The following CAMK2A variants were observed in gnomAD, a reference collection of about 807,000 sequenced individuals.
CAMK2A encodes the protein calcium/calmodulin dependent protein kinase II alpha.
In CAMK2A, 7 loss-of-function variants were observed where a neutral mutation model predicts 79.2. The observed-to-expected ratio is 0.09, with a 90% CI of 0.05 to 0.17. The LOEUF is 0.17. CAMK2A is among the 10% of genes least tolerant of loss of function. The pLI is 1.00. For missense variants in CAMK2A, 214 were observed against 646.4 expected (o/e 0.33, Z 7.25); for synonymous variants, 242 against 251.7 (o/e 0.96, Z 0.36).
At chr5:150,264,934 C>A in intron 3 of CAMK2A, 22 bp downstream of exon 3, 1 of 1,609,548 alleles carries the variant, frequency 6.2e-7, no homozygotes, top group Non-Finnish European at 8.5e-7. Flanking sequence ...CCCCTGCGCC[C>A]CTCTCATCCC....
At chr5:150,264,355 C>T (rs1756417541) in intron 3 of CAMK2A, among the ~76,000 whole-genome samples, 2 of 152,232 alleles carry the variant, frequency 1.3e-5, no homozygotes, top group South Asian at 4.1e-4. Context: ...CATGACTCAG[C>T]ACCCTCATAG....
intron 2 of CAMK2A, among the ~76,000 whole-genome samples, chr5:150,266,060 A>G (rs913371626): frequency 1.3e-5 from 2 of 152,016 alleles, no homozygotes; most frequent in Non-Finnish European, 2.9e-5. Context: ...CCCAGAAGCC[A>G]CCTCCCTTTC....
intron 12 of CAMK2A, 144 bp from the exon 13 acceptor site, chr5:150,245,345 C>T: frequency 1.8e-6 from 1 of 561,528 alleles, no homozygotes; most frequent in Non-Finnish European, 2.9e-6. Flanking sequence ...GAGGCCTCCT[C>T]CTCCTCCTCC....
At chr5:150,248,352 ATACTTTAAG>A (rs1755667486) in intron 11 of CAMK2A, among the ~76,000 whole-genome samples, 1 of 148,812 alleles carries the variant, frequency 6.7e-6, no homozygotes, top group South Asian at 2.1e-4. Flanking sequence ...ATATTATATA[ATACTTTAAG>A]TTCTAGGGTA....
chr5:150,226,144 C>A (rs73281747), intron 17 of CAMK2A, among the ~76,000 whole-genome samples: 2,065 of 152,268 alleles, frequency 0.014, 49 homozygotes, highest in African/African-American at 0.048. Context: ...GTGTCCTTGG[C>A]CTCTGTACTC....
Position 150,221,874 on chromosome 5 carries a change from G to A in CAMK2A, c.*836C>T, listed in dbSNP as rs746674731. On this transcript the variant is annotated 3_prime_UTR_variant, in exon 19 of 19. Transcript: ENST00000671881. ...AGTTATTACATAAATATCCATTAAC[G>A]CGAAATCCATTTACGAAATACACAG... 8 of 349,006 alleles carry A rather than the reference G, an allele frequency of 2.3e-5. No homozygotes were observed. Among genetic ancestry groups the A allele is most frequent in the African/African-American group, 4.2e-5 (2 of 47,468 alleles). The allele number at this position is 349,006 out of a possible 1,614,324, so 21.6% of individuals were successfully genotyped here.
At chr5:150,231,550 A>T (rs1754843764) in intron 15 of CAMK2A, among the ~76,000 whole-genome samples, 170 bp from the exon 16 acceptor site, 1 of 149,916 alleles carries the variant, frequency 6.7e-6, no homozygotes, top group South Asian at 2.1e-4. Context: ...TTATCCTCGC[A>T]TTGCTGCTGG....
chr5:150,272,944 C>T (rs1316406806), intron 2 of CAMK2A, 121 bp downstream of exon 2: 5 of 733,996 alleles, frequency 6.8e-6, no homozygotes, highest in East Asian at 2.5e-5. Flanking sequence ...GAGCAGCCCC[C>T]ACCCCTGCCA....
intron 1 of CAMK2A, among the ~76,000 whole-genome samples, chr5:150,277,251 A>G (rs115410471): frequency 6.6e-6 from 1 of 152,156 alleles, no homozygotes; most frequent in East Asian, 1.9e-4. Context: ...TCCCACCCAC[A>G]CCTCCTAAAT....
intron 12 of CAMK2A, among the ~76,000 whole-genome samples, chr5:150,245,664 C>T (rs1443092179): frequency 1.3e-5 from 2 of 152,214 alleles, no homozygotes; most frequent in Non-Finnish European, 2.9e-5. Context: ...CTACTCACTC[C>T]GGACAGCTGC....
intron 12 of CAMK2A, 136 bp from the exon 13 acceptor site, chr5:150,245,337 G>GGCC (rs1389596497): frequency 7.2e-5 from 47 of 648,472 alleles, no homozygotes; most frequent in East Asian, 3.8e-4. Context: ...TCCTGGGGGA[G>GGCC]GCCTCCTCCT....
At chr5:150,230,840 G>C (rs913348036) in intron 16 of CAMK2A, among the ~76,000 whole-genome samples, 7 of 152,232 alleles carry the variant, frequency 4.6e-5, no homozygotes, top group African/African-American at 1.7e-4. Context: ...GCTCACTGAA[G>C]GGACGTGCCC....
chr5:150,245,116 A>C (rs754664858), intron 13 of CAMK2A, 45 bp downstream of exon 13: 14 of 1,596,174 alleles, frequency 8.8e-6, no homozygotes, highest in Non-Finnish European at 1.2e-5. Flanking sequence ...TGTTGGCAGA[A>C]ACGCTGCCAG....
Position 150,256,592 on chromosome 5 carries a change from ACC to A in CAMK2A, c.390_391del (p.Val131GlyfsTer8). 6.2e-7 allele frequency: 1 copy of A among 1,613,408 alleles called. No homozygotes were observed. Among genetic ancestry groups the A allele is most frequent in the Non-Finnish European group, 8.5e-7 (1 of 1,179,840 alleles). ...GCTCACCTTCAGGTCCCGGTGCACC[ACC>A]CCCATCTGGTGGCAGTGCAGCACAG... On this transcript the variant is annotated frameshift_variant, in exon 6 of 19. Transcript: ENST00000671881. LOFTEE classifies it high-confidence loss of function. This position sits in a 1 kb window ranked among gnomAD's most constrained non-coding sequence, Gnocchi z 4.6.
intron 1 of CAMK2A, among the ~76,000 whole-genome samples, chr5:150,286,849 C>T (rs1048136071): frequency 6.6e-6 from 1 of 152,234 alleles, no homozygotes; most frequent in Non-Finnish European, 1.5e-5. Context: ...CTTGCCCAGC[C>T]TTTGAGAACA....
At chr5:150,226,392 C>T (rs1372993023) in intron 17 of CAMK2A, among the ~76,000 whole-genome samples, 1 of 152,100 alleles carries the variant, frequency 6.6e-6, no homozygotes, top group Non-Finnish European at 1.5e-5. Flanking sequence ...CACTGAAGTA[C>T]CTTCTTTGTT....
At chr5:150,243,211 G>A (rs1755425877) in intron 13 of CAMK2A, among the ~76,000 whole-genome samples, 1 of 152,132 alleles carries the variant, frequency 6.6e-6, no homozygotes, top group Admixed American at 6.5e-5. Context: ...CTACATCCAA[G>A]AGCCAAGCAG....
intron 2 of CAMK2A, among the ~76,000 whole-genome samples, chr5:150,270,957 C>T (rs1439649787): frequency 6.6e-6 from 1 of 152,128 alleles, no homozygotes; most frequent in Admixed American, 6.5e-5. Flanking sequence ...GAATGTGCCT[C>T]GAGAGTGTGG....
chr5:150,277,024 G>A (rs1461904844), intron 1 of CAMK2A, among the ~76,000 whole-genome samples: 1 of 152,172 alleles, frequency 6.6e-6, no homozygotes, highest in African/African-American at 2.4e-5. Context: ...GAGCCCAGGA[G>A]TTTGAGACCA....
Sources: allele counts gnomAD v4.1 joint callset (sites outside exome capture counted in the v4.1 genomes callset), GRCh38; gene constraint gnomAD v4.1.1; non-coding constraint Gnocchi (gnomAD v3.1); transcripts MANE v1.5; gene names NCBI Gene and HGNC (gene_info 2026-07-23, HGNC 2026-07-21).